APOB: variants seen among roughly 807,000 people sequenced by gnomAD.
The protein encoded by APOB is apolipoprotein B, also known as apolipoprotein B-100.
In APOB, 153 loss-of-function variants were observed where a neutral mutation model predicts 314.1. The ratio of observed to expected loss-of-function variants is 0.49; its 90% confidence interval spans 0.43 to 0.56. The LOEUF (loss-of-function observed/expected upper bound fraction) is 0.56, where lower values mean the gene tolerates loss of function less well. Among genes scored for constraint, APOB ranks in the 20% least tolerant of loss-of-function variants. The pLI, the probability that APOB is intolerant of heterozygous loss-of-function variation, is 0.00. For missense variants in APOB, 5,430 were observed against 5,350.7 expected (o/e 1.01, Z -0.46); for synonymous variants, 2,087 against 2,036.4 (o/e 1.02, Z -0.67).
chr2:21,015,039 C>G (rs749114592), intron 23 of APOB, 34 bp downstream of exon 23: 9 of 1,591,356 alleles, frequency 5.7e-6, no homozygotes, highest in Non-Finnish European at 7.8e-6. Flanking sequence ...GCACTTATAT[C>G]CATGTATTTA....
At chr2:21,023,263 A>G (rs950598153) in intron 17 of APOB, among the ~76,000 whole-genome samples, 7 of 152,222 alleles carry the variant, frequency 4.6e-5, no homozygotes, top group African/African-American at 1.2e-4. Context: ...AACGTGAGGC[A>G]AAACCAGATT....
In APOB at chr2:21,011,836, A is replaced by G. The variant is rs1234844265; in HGVS notation, c.5032T>C (p.Ser1678Pro). Residue 1678 changes from serine to proline, a missense_variant, in exon 26 of 29, where the codon TCT becomes CCT. Around this residue, in one of 3 missense-constraint regions of APOB, gnomAD observed 2,085 missense variants for 2,079.7 expected, o/e 1.00. Coordinates refer to ENST00000233242, the MANE Select transcript of APOB (RefSeq NM_000384.3). Reference protein sequence around the residue: ...ENELNAELGLSGASMKLTTNG... With the variant: ...ENELNAELGLPGASMKLTTNG... The stretch of plus-strand genomic sequence containing the variant: ...GTTGTTAATTTCATAGATGCCCCAG[A>G]GAGGCCAAGCTCTGCATTCAGCTCA... 1 of 1,614,170 alleles carries G rather than the reference A, an allele frequency of 6.2e-7. No individual in the cohort carries two copies. Among genetic ancestry groups the G allele is most frequent in the Admixed American group, 1.7e-5 (1 of 60,020 alleles).
Position 21,008,219 on chromosome 2 carries a change from C to T in APOB, c.8649G>A (p.Leu2883=). The change falls in exon 26 of 29, where the codon CTG becomes CTA. Residue 2883 remains leucine (L), a synonymous_variant. Transcript: ENST00000233242. ...TGTGGAAGTATTTAGTGTTGCTATCCAGGGTAAGCTGATTGTTTATCTTGA... is the reference window on the plus strand; with the variant it reads ...TGTGGAAGTATTTAGTGTTGCTATCTAGGGTAAGCTGATTGTTTATCTTGA... The part of the protein sequence containing the change: ...VIVKINNQLT[L]DSNTKYFHKL... 1 of 1,614,036 alleles carries T rather than the reference C, an allele frequency of 6.2e-7. No individual in the cohort carries two copies. Among genetic ancestry groups the T allele is most frequent in the Non-Finnish European group, 8.5e-7 (1 of 1,179,966 alleles).
Position 21,005,955 on chromosome 2 carries a change from C to T in APOB, c.10913G>A (p.Arg3638Gln), listed in dbSNP as rs1801701. ...GCTCTGGAAAGACCCAGAATGAATC[C>T]GGACTTCATTTTTCCATCTGATCTT... ...NQKIRWKNEV[R>Q]IHSGSFQSQV... The change falls in exon 26 of 29, where the codon CGG (arginine) becomes CAG (glutamine). Residue 3638 changes from arginine (R) to glutamine (Q), a missense_variant. Transcript: ENST00000233242. 0.084 allele frequency: 135,738 copies of T among 1,613,688 alleles called. 6,499 individuals are homozygous for T. The highest frequency in any genetic ancestry group is 0.099 in the Admixed American group (5,904 of 59,908).
At chr2:21,013,611 C>A in intron 24 of APOB, 78 bp from the exon 25 acceptor site, 1 of 1,582,726 alleles carries the variant, frequency 6.3e-7, no homozygotes, top group Non-Finnish European at 8.7e-7. Flanking sequence ...ACCTTCACAA[C>A]AATATTGTAC....
Position 21,006,433 on chromosome 2 carries a change from G to A in APOB, c.10435C>T (p.His3479Tyr). The A allele has an allele frequency of 6.2e-7, 1 of 1,614,032 alleles. No homozygotes were observed. The highest frequency in any genetic ancestry group is 8.5e-7 in the Non-Finnish European group (1 of 1,179,982). The change falls in exon 26 of 29, where the codon CAC (histidine) becomes TAC (tyrosine). Residue 3479 changes from histidine to tyrosine, a missense_variant. His to Tyr is a moderately conservative substitution (Grantham distance 83). Coordinates refer to ENST00000233242, the MANE Select transcript of APOB (RefSeq NM_000384.3). Reference protein sequence around the residue: ...LYSTAKGAVDHKLSLESLTSY... With the variant: ...LYSTAKGAVDYKLSLESLTSY... ...GTGAGGCTTTCCAAGCTAAGCTTGT[G>A]GTCAACTGCTCCTTTAGCGGTAGAG...
At chr2:21,041,207 G>T in intron 3 of APOB, 124 bp from the exon 4 acceptor site, 1 of 973,146 alleles carries the variant, frequency 1.0e-6, no homozygotes, top group Non-Finnish European at 1.6e-6. Context: ...ACCACTGCCT[G>T]CGCCTCAACA....
chr2:21,039,276 T>C (rs1271025756), intron 4 of APOB, among the ~76,000 whole-genome samples: 2 of 152,270 alleles, frequency 1.3e-5, no homozygotes, highest in African/African-American at 2.4e-5. Context: ...TTTTGCAGTA[T>C]GATGGGTAAA....
At position 21,042,274 on chromosome 2, in the gene APOB, C is replaced by T. The variant is rs930347020; in HGVS notation, c.237+87G>A. The T allele has an allele frequency of 7.3e-6, 7 of 961,072 alleles. No individual in the cohort carries two copies. In the African/African-American group the frequency reaches 8.0e-5, roughly 11 times the overall value. The allele number at this position is 961,072 out of a possible 1,614,324, so 59.5% of individuals were successfully genotyped here. ...CTGCGTTTGCTCAGTACACACCCTC[C>T]GGGAAGGTCGCGTGTTGGGCGCCCG... On this transcript the variant is annotated intron_variant, in intron 3 of 28. Transcript: ENST00000233242.
intron 14 of APOB, 77 bp downstream of exon 14, chr2:21,027,741 CCTCTGGGTAG>C (rs1663768150): frequency 1.9e-5 from 20 of 1,039,668 alleles, no homozygotes; most frequent in Non-Finnish European, 3.0e-5. Context: ...TCTTAGTTTT[CCTCTGGGTAG>C]CTCCTGGCTC....
Position 21,004,664 on chromosome 2 carries a change from G to T in APOB, c.11800C>A (p.His3934Asn). The change falls in exon 27 of 29, where the codon CAC becomes AAC. Residue 3934 changes from histidine to asparagine, a missense_variant. Around this residue, in one of 3 missense-constraint regions of APOB, gnomAD observed 3,281 missense variants for 3,171.0 expected, o/e 1.03. Transcript: ENST00000233242. ...LEYELNVLGT[H>N]KIEDGTLASK... Reference sequence around the variant, plus strand: ...GCTAACGTACCATCTTCGATTTTGTGTGTTCCCAAAACTGTATAGGAGAGA... The same window carrying T: ...GCTAACGTACCATCTTCGATTTTGTTTGTTCCCAAAACTGTATAGGAGAGA... 1.2e-6 allele frequency: 2 copies of T among 1,612,996 alleles called. No individual in the cohort carries two copies.
intron 20 of APOB, 136 bp from the exon 21 acceptor site, chr2:21,016,785 C>T (rs1007081727): frequency 2.9e-6 from 2 of 697,698 alleles, no homozygotes; most frequent in East Asian, 2.7e-5. Flanking sequence ...GAGATCAAGA[C>T]CATTCTGGCT....
intron 2 of APOB, 102 bp from the exon 3 acceptor site, chr2:21,042,578 G>A (rs1468619167): frequency 7.3e-6 from 6 of 817,806 alleles, no homozygotes; most frequent in Non-Finnish European, 1.3e-5. Flanking sequence ...ATTAAAAATG[G>A]TAATTCAACT....
chr2:21,022,174 C>T (rs1296174222), intron 18 of APOB, among the ~76,000 whole-genome samples: 2 of 151,982 alleles, frequency 1.3e-5, no homozygotes, highest in Non-Finnish European at 2.9e-5. Context: ...GCCATGTTGC[C>T]CAGGCTGGTA....
At position 21,001,799 on chromosome 2, in the gene APOB, C is replaced by G; in HGVS notation, c.13623G>C (p.Lys4541Asn). ...FLIYITELLK[K>N]LQSTTVMNPY... is the part of the protein sequence containing the mutation. ...GGTTCATGACTGTGGTTGATTGCAG[C>G]TTTTTCAGTAACTCCGTGATGTATA... Residue 4541 changes from lysine (K) to asparagine (N), a missense_variant, in exon 29 of 29, where the codon AAG becomes AAC. By Grantham distance (94) the Lys-to-Asn change is moderately conservative. This residue lies in a region of APOB where 3,281 missense variants were observed against 3,171.0 expected (regional missense o/e 1.03). Transcript: ENST00000233242. 1 of 1,614,020 alleles carries G rather than the reference C, an allele frequency of 6.2e-7. No homozygotes were observed. Among genetic ancestry groups the G allele is most frequent in the Non-Finnish European group, 8.5e-7 (1 of 1,179,946 alleles).
intron 15 of APOB, among the ~76,000 whole-genome samples, chr2:21,026,330 C>T (rs1663730833): frequency 6.6e-6 from 1 of 151,930 alleles, no homozygotes; most frequent in South Asian, 2.1e-4. Flanking sequence ...TCACTGCAAC[C>T]TCCACCTCCC....
At position 21,033,332 on chromosome 2, in the gene APOB, G is replaced by A. The variant is rs762692719; in HGVS notation, c.1091C>T (p.Thr364Ile). 11 of 1,614,168 alleles carry A rather than the reference G, an allele frequency of 6.8e-6. No homozygotes were observed. In the Admixed American group the frequency reaches 1.7e-4, roughly 24 times the overall value. The change falls in exon 9 of 29, where the codon ACA becomes ATA. Residue 364 changes from threonine (T) to isoleucine (I), a missense_variant. Physicochemically the swap from Thr to Ile is moderately conservative, Grantham distance 89. Transcript: ENST00000233242. ...ELRGLSDEAV[T>I]SLLPQLIEVS... ...CTCAATCAGCTGTGGCAAGAGAGAT[G>A]TGACTGCTTCATCACTGAGGCCTCT... is the stretch of plus-strand genomic sequence containing the variant.
chr2:21,024,457 A>C, intron 16 of APOB: 1 of 209,282 alleles, frequency 4.8e-6, no homozygotes. Context: ...TGTCTCTACT[A>C]AAGATACACA....
Position 21,019,859 on chromosome 2 carries a change from G to T in APOB, c.2863C>A (p.Pro955Thr), listed in dbSNP as rs13306206. ...VSTTKTEVIP[P>T]LIENRQSWSV... ...CAGGACTGCCTGTTCTCAATGAGAG[G>T]TGGGATCACCTCCGTTTTGGTGGTA... The change falls in exon 19 of 29, where the codon CCT (proline) becomes ACT (threonine). Residue 955 changes from proline (P) to threonine (T), a missense_variant. By Grantham distance (38) the Pro-to-Thr change is conservative (BLOSUM62 -1). Transcript: ENST00000233242. 1 of 1,614,070 alleles carries T rather than the reference G, an allele frequency of 6.2e-7. No individual in the cohort carries two copies. The highest frequency in any genetic ancestry group is 1.3e-5 in the African/African-American group (1 of 74,904).
Sources: gnomAD v4.1 joint callset for allele counts (sites outside exome capture counted in the v4.1 genomes callset) on GRCh38, gnomAD v4.1.1 for gene constraint, gnomAD v4.1.1 regional missense constraint, MANE v1.5 for transcripts, NCBI Gene and HGNC (gene_info 2026-07-23, HGNC 2026-07-21) for gene names.